The following SUGP2 variants were observed in gnomAD, a reference collection of about 807,000 sequenced individuals.
SUGP2 encodes the protein SURP and G-patch domain containing 2.
SUGP2 carries 24 observed loss-of-function variants against 90.5 expected under a neutral mutation model. The ratio of observed to expected loss-of-function variants is 0.27; its 90% confidence interval spans 0.19 to 0.37. SUGP2 has a LOEUF of 0.37. Among genes scored for constraint, SUGP2 ranks in the 10% least tolerant of loss-of-function variants. SUGP2 has a pLI of 1.00. For synonymous variants in SUGP2, 473 were observed against 513.4 expected, an observed-to-expected ratio of 0.92 and a Z score of 1.06; for missense variants, 1,233 against 1,363.3, an observed-to-expected ratio of 0.90 and a Z score of 1.51.
intron 2 of SUGP2, among the ~76,000 whole-genome samples, chr19:19,028,302 G>A (rs1364595197): frequency 2.6e-5 from 4 of 152,258 alleles, no homozygotes; most frequent in South Asian, 2.1e-4. Flanking sequence ...GATCCAAGTC[G>A]GGCCCTCAGT....
At chr19:19,008,935 G>A (rs1277963666) in intron 5 of SUGP2, among the ~76,000 whole-genome samples, 1 of 151,938 alleles carries the variant, frequency 6.6e-6, no homozygotes, top group Non-Finnish European at 1.5e-5. Context: ...TTTTTGAGAT[G>A]GAGTCTTGCT....
chr19:19,032,182 T>A (rs1446574895), intron 1 of SUGP2, among the ~76,000 whole-genome samples: 1 of 151,730 alleles, frequency 6.6e-6, no homozygotes, highest in Non-Finnish European at 1.5e-5. Context: ...TTCCTTTTTT[T>A]GAGACTCTCC....
At chr19:19,013,097 T>A (rs1156372918) in intron 4 of SUGP2, among the ~76,000 whole-genome samples, 1 of 152,086 alleles carries the variant, frequency 6.6e-6, no homozygotes, top group Non-Finnish European at 1.5e-5. Context: ...GAACTCCTGA[T>A]CTCAGGTGAT....
rs1457001026 is a variant in SUGP2 at position 18,991,489 on chromosome 19, T to TG, written c.*2251dup. The TG allele has an allele frequency of 6.6e-6, 1 of 152,210 alleles. No homozygotes were observed. The highest frequency in any genetic ancestry group is 1.5e-5 in the Non-Finnish European group (1 of 68,058). 9.4% of individuals were successfully genotyped at this position (152,210 alleles called of 1,614,324 possible). The stretch of plus-strand genomic sequence containing the variant: ...TCACAGAACCATCTCAGCTCAAACT[T>TG]GGAGGAGCGGCAGGAGGTGGGGGGC... On this transcript the variant is annotated 3_prime_UTR_variant, in exon 11 of 11. Coordinates refer to ENST00000452918, the MANE Select transcript of SUGP2 (RefSeq NM_001017392.5).
chr19:19,011,314 AT>A (rs1236336472), intron 4 of SUGP2, among the ~76,000 whole-genome samples: 1 of 151,388 alleles, frequency 6.6e-6, no homozygotes, highest in Non-Finnish European at 1.5e-5. Flanking sequence ...CGCCTGGCTA[AT>A]TTTTGTGTTT....
intron 4 of SUGP2, among the ~76,000 whole-genome samples, chr19:19,015,332 A>G (rs562774652): frequency 6.6e-6 from 1 of 152,212 alleles, no homozygotes; most frequent in Non-Finnish European, 1.5e-5. Flanking sequence ...CACAGCAGAA[A>G]CATTTGGCTT....
intron 7 of SUGP2, chr19:19,003,400 T>C (rs76554351): frequency 0.023 from 3,562 of 152,378 alleles, 133 homozygotes; most frequent in African/African-American, 0.08. Flanking sequence ...TTGGAGGGCA[T>C]TGGGGGCACA....
intron 6 of SUGP2, among the ~76,000 whole-genome samples, 175 bp from the exon 7 acceptor site, chr19:19,004,821 T>A (rs2057998441): frequency 6.6e-6 from 1 of 152,120 alleles, no homozygotes; most frequent in Non-Finnish European, 1.5e-5. Context: ...ATAGAAAATT[T>A]GAGGAGTACT....
In SUGP2 at chr19:19,010,348, T is replaced by C. The variant is rs753296417; in HGVS notation, c.1851-6A>G. 1.2e-6 allele frequency: 2 copies of C among 1,605,714 alleles called. No homozygotes were observed. Among genetic ancestry groups the C allele is most frequent in the South Asian group, 1.1e-5 (1 of 91,038 alleles). On this transcript the variant is annotated splice_polypyrimidine_tract_variant and splice_region_variant and intron_variant, in intron 4 of 10. Coordinates refer to ENST00000452918, the MANE Select transcript of SUGP2 (RefSeq NM_001017392.5). Reference sequence around the variant, plus strand: ...TATTTTCATCAGACAAAAACCTAGATAACAAAACAAGCATAACGGGACATT... The same window carrying C: ...TATTTTCATCAGACAAAAACCTAGACAACAAAACAAGCATAACGGGACATT...
At chr19:19,032,227 C>T (rs1319940058) in intron 1 of SUGP2, among the ~76,000 whole-genome samples, 3 of 150,716 alleles carry the variant, frequency 2.0e-5, no homozygotes, top group Admixed American at 1.3e-4. Flanking sequence ...GGCATGATCT[C>T]GGCTAACTGC....
At chr19:19,031,650 C>T (rs1328110860) in intron 1 of SUGP2, among the ~76,000 whole-genome samples, 1 of 151,988 alleles carries the variant, frequency 6.6e-6, no homozygotes, top group African/African-American at 2.4e-5. Context: ...TTGCAGTGAG[C>T]CGAGATCATG....
intron 8 of SUGP2, 113 bp downstream of exon 8, chr19:19,001,500 A>ACCT: frequency 4.6e-6 from 5 of 1,083,508 alleles, no homozygotes; most frequent in Non-Finnish European, 7.0e-6. Context: ...ACACATTAAT[A>ACCT]CCTCAGTTTG....
At chr19:19,009,365 G>T (rs1195444963) in intron 5 of SUGP2, among the ~76,000 whole-genome samples, 1 of 152,192 alleles carries the variant, frequency 6.6e-6, no homozygotes, top group African/African-American at 2.4e-5. Context: ...CAGAGAGAAA[G>T]AAACAGCTAA....
At chr19:18,994,154 G>A (rs1336825268) in intron 10 of SUGP2, 3 of 611,664 alleles carry the variant, frequency 4.9e-6, no homozygotes, top group Admixed American at 6.4e-5. Flanking sequence ...CTTGGCCAGT[G>A]TGAGGTTTGC....
chr19:19,032,866 C>T (rs1480240014), intron 1 of SUGP2, among the ~76,000 whole-genome samples: 1 of 152,212 alleles, frequency 6.6e-6, no homozygotes, highest in Non-Finnish European at 1.5e-5. Context: ...CAAGAGACAA[C>T]CCGTAGGGTC....
intron 3 of SUGP2, among the ~76,000 whole-genome samples, chr19:19,021,286 G>A (rs1025244214): frequency 2.6e-5 from 4 of 151,642 alleles, no homozygotes; most frequent in African/African-American, 4.8e-5. Context: ...TCCTGTGCCC[G>A]TCTGTGTCCA....
At chr19:19,009,436 C>T (rs79897842) in intron 5 of SUGP2, among the ~76,000 whole-genome samples, 1,879 of 152,212 alleles carry the variant, frequency 0.012, 20 homozygotes, top group East Asian at 0.03. Context: ...TGCAGGTCAG[C>T]GAACCCCAAG....
rs2058613420 is a variant in SUGP2 at position 19,019,156 on chromosome 19, G to C, written c.1803C>G (p.Ser601Arg). Residue 601 changes from serine to arginine, a missense_variant, in exon 4 of 11, where the codon AGC becomes AGG. This residue lies in a region of SUGP2 where 540 missense variants were observed against 542.6 expected (regional missense o/e 1.00). Transcript: ENST00000452918. ...DQLVKRVIEG[S>R]LSPKERTLLK... ...GAAGAGTTCTCTCTTTGGGAGACAG[G>C]CTGCCTTCGATGACACGTTTCACAA... 1 of 1,614,088 alleles carries C rather than the reference G, an allele frequency of 6.2e-7. No individual in the cohort carries two copies. The highest frequency in any genetic ancestry group is 8.5e-7 in the Non-Finnish European group (1 of 1,179,968).
intron 6 of SUGP2, among the ~76,000 whole-genome samples, chr19:19,005,333 T>C (rs2058022436): frequency 6.6e-6 from 1 of 152,148 alleles, no homozygotes; most frequent in Admixed American, 6.5e-5. Flanking sequence ...CTCAACCTCA[T>C]AAATGTGCCA....
Sources: gnomAD v4.1 joint callset for allele counts (sites outside exome capture counted in the v4.1 genomes callset) on GRCh38, gnomAD v4.1.1 for gene constraint, gnomAD v4.1.1 regional missense constraint, MANE v1.5 for transcripts, NCBI Gene and HGNC (gene_info 2026-07-23, HGNC 2026-07-21) for gene names.